DOCK5: variants seen among roughly 807,000 people sequenced by gnomAD.
DOCK5 encodes the protein dedicator of cytokinesis 5.
A neutral mutation model predicts 251.8 loss-of-function variants in DOCK5; 142 were observed. The ratio of observed to expected loss-of-function variants is 0.56; its 90% CI spans 0.49 to 0.65. The LOEUF is 0.65. Ranked by LOEUF, DOCK5 falls within the 30% of genes least tolerant of loss-of-function variation. DOCK5 has a pLI of 0.00. For synonymous variants in DOCK5, 842 were observed against 835.5 expected, an observed-to-expected ratio of 1.01 and a Z score of -0.13; for missense variants, 2,111 against 2,312.3, an observed-to-expected ratio of 0.91 and a Z score of 1.79.
At chr8:25,243,788 G>T in intron 2 of DOCK5, 31 bp downstream of exon 2, 1 of 1,603,722 alleles carries the variant, frequency 6.2e-7, no homozygotes, top group East Asian at 2.2e-5. Context: ...GCCAGATGAG[G>T]GCAAGGGAAA....
intron 13 of DOCK5, among the ~76,000 whole-genome samples, chr8:25,314,427 C>G (rs1805182652): frequency 3.9e-5 from 6 of 151,970 alleles, no homozygotes; most frequent in Admixed American, 3.9e-4. Flanking sequence ...CCCCTCCTTG[C>G]TTTAATTGGC....
intron 18 of DOCK5, among the ~76,000 whole-genome samples, chr8:25,329,183 A>G (rs1183509167): frequency 3.9e-5 from 6 of 152,078 alleles, no homozygotes; most frequent in African/African-American, 1.4e-4. Context: ...GGGGATTGTT[A>G]TTCTCTTGCT....
chr8:25,396,059 G>A (rs906055421), intron 45 of DOCK5, among the ~76,000 whole-genome samples: 1 of 152,156 alleles, frequency 6.6e-6, no homozygotes, highest in Non-Finnish European at 1.5e-5. Context: ...CATCTCTGGG[G>A]ATGGCAGAGC....
At chr8:25,318,106 T>C (rs1189077584) in intron 14 of DOCK5, among the ~76,000 whole-genome samples, 6 of 152,068 alleles carry the variant, frequency 3.9e-5, no homozygotes, top group South Asian at 2.1e-4. Flanking sequence ...GTTGTTGTTG[T>C]TTGATGGAGT....
chr8:25,343,337 C>T (rs1340723434), intron 25 of DOCK5, among the ~76,000 whole-genome samples: 1 of 152,020 alleles, frequency 6.6e-6, no homozygotes, highest in East Asian at 1.9e-4. Flanking sequence ...TTAAAAATGT[C>T]ATTAATATTC....
At chr8:25,308,125 T>C (rs1278343205) in intron 11 of DOCK5, among the ~76,000 whole-genome samples, 1 of 152,138 alleles carries the variant, frequency 6.6e-6, no homozygotes, top group Non-Finnish European at 1.5e-5. Flanking sequence ...TTGCTTATAG[T>C]GCTTCTGCCT....
At chr8:25,239,317 A>G (rs564473174) in intron 1 of DOCK5, among the ~76,000 whole-genome samples, 33 of 135,140 alleles carry the variant, frequency 2.4e-4, no homozygotes, top group Non-Finnish European at 4.5e-4. Flanking sequence ...GTGTGCGTGT[A>G]TATGTGTGTG....
chr8:25,372,467 C>T (rs2117286533), intron 34 of DOCK5, 92 bp from the exon 35 acceptor site: 7 of 1,346,052 alleles, frequency 5.2e-6, no homozygotes, highest in Admixed American at 2.9e-5. Flanking sequence ...AATCCTGCCC[C>T]AGCCACTGCT....
intron 1 of DOCK5, among the ~76,000 whole-genome samples, chr8:25,224,507 A>G (rs1802477939): frequency 6.6e-6 from 1 of 152,236 alleles, no homozygotes; most frequent in South Asian, 2.1e-4. Context: ...TCCATGAGAA[A>G]AAGTGCAAGG....
chr8:25,218,050 A>G (rs1477374630), intron 1 of DOCK5, among the ~76,000 whole-genome samples: 1 of 152,232 alleles, frequency 6.6e-6, no homozygotes, highest in Non-Finnish European at 1.5e-5. Flanking sequence ...GCAAATAGTA[A>G]GCAAATAAGT....
At chr8:25,304,503 A>G in intron 11 of DOCK5, 176 bp downstream of exon 11, 1 of 547,776 alleles carries the variant, frequency 1.8e-6, no homozygotes, top group Non-Finnish European at 3.1e-6. Context: ...TTGATGTTGG[A>G]CTCCCATTGA....
At chr8:25,304,857 C>G (rs956365885) in intron 11 of DOCK5, 2 of 152,578 alleles carry the variant, frequency 1.3e-5, no homozygotes, top group African/African-American at 4.8e-5. Context: ...AGGGCTGACC[C>G]ACCCATGGGC....
At chr8:25,351,665 T>G in intron 26 of DOCK5, 66 bp from the exon 27 acceptor site, 7 of 1,276,686 alleles carry the variant, frequency 5.5e-6, no homozygotes, top group African/African-American at 1.5e-5. Flanking sequence ...CTCATCTATC[T>G]GAGGTTCCTT....
intron 1 of DOCK5, among the ~76,000 whole-genome samples, chr8:25,196,717 G>A (rs1461135296): frequency 6.6e-6 from 1 of 152,088 alleles, no homozygotes; most frequent in Non-Finnish European, 1.5e-5. Context: ...TTACCATAAA[G>A]CAAAGTTTTT....
rs1192836942 is a variant in DOCK5 at position 25,389,251 on chromosome 8, G to A, written c.4273+19G>A. On this transcript the variant is annotated intron_variant, in intron 41 of 51. Transcript: ENST00000276440. ...AAGCAGTGTATCCTTTCCGGGGGGAGTATGGCCCCGAGGCTCTTATGGCTG... is the reference window on the plus strand; with the variant it reads ...AAGCAGTGTATCCTTTCCGGGGGGAATATGGCCCCGAGGCTCTTATGGCTG... The A allele has an allele frequency of 1.2e-6, 2 of 1,610,244 alleles. No individual in the cohort carries two copies. The highest frequency in any genetic ancestry group is 2.2e-5 in the East Asian group (1 of 44,756).
chr8:25,408,183 C>A (rs1410945674), intron 49 of DOCK5, 29 bp downstream of exon 49: 1 of 1,544,880 alleles, frequency 6.5e-7, no homozygotes, highest in Admixed American at 2.0e-5. Flanking sequence ...AAAAAGAAAT[C>A]TCTGGAGGCT....
intron 1 of DOCK5, among the ~76,000 whole-genome samples, chr8:25,208,858 C>T (rs1802064399): frequency 6.6e-6 from 1 of 152,186 alleles, no homozygotes; most frequent in Non-Finnish European, 1.5e-5. Flanking sequence ...CCATGACCTT[C>T]ATTTCTTTGC....
Position 25,320,991 on chromosome 8 carries a change from T to A in DOCK5, c.1554T>A (p.Ala518=). The A allele has an allele frequency of 6.2e-7, 1 of 1,613,392 alleles. No individual in the cohort carries two copies. The highest frequency in any genetic ancestry group is 8.5e-7 in the Non-Finnish European group (1 of 1,179,612). ...TTACTATGACACAGGTATCCATTGC[T>A]ATAGAAGAAGTCACACGCTGTCATA... ...CWYETVKVSI[A]IEEVTRCHIR... is the part of the protein sequence containing the mutation. Residue 518 remains alanine (A), a synonymous_variant, in exon 16 of 52, where the codon GCT becomes GCA. Transcript: ENST00000276440.
chr8:25,226,909 T>C (rs376994681), intron 1 of DOCK5, among the ~76,000 whole-genome samples: 2 of 152,220 alleles, frequency 1.3e-5, no homozygotes, highest in Non-Finnish European at 2.9e-5. Flanking sequence ...ATCCATACCA[T>C]GGACATCTTT....
Sources: gnomAD v4.1 joint callset for allele counts (sites outside exome capture counted in the v4.1 genomes callset) on GRCh38, gnomAD v4.1.1 for gene constraint, MANE v1.5 for transcripts, NCBI Gene and HGNC (gene_info 2026-07-23, HGNC 2026-07-21) for gene names.